The following FBXO11 variants were observed in gnomAD, a reference collection of about 807,000 sequenced individuals.
The protein encoded by FBXO11 is F-box protein 11.
A neutral mutation model predicts 117.0 loss-of-function variants in FBXO11; 13 were observed. That is an observed-to-expected ratio of 0.11 (90% CI 0.07 to 0.18). FBXO11 has a LOEUF of 0.18. FBXO11 is among the 10% of genes least tolerant of loss of function. FBXO11 has a pLI of 1.00. For synonymous variants in FBXO11, 490 were observed against 380.5 expected (o/e 1.29, Z -3.35); for missense variants, 767 against 1,164.4 (o/e 0.66, Z 4.97).
chr2:47,896,332 T>TTTC (rs1413626452), intron 1 of FBXO11, among the ~76,000 whole-genome samples: 1 of 146,522 alleles, frequency 6.8e-6, no homozygotes. Context: ...TTTCTTTTCT[T>TTTC]TTTTTTTTTT....
rs369299516 is a variant in FBXO11, at chr2:47,883,564, G to A, written c.232+21925C>T. On this transcript the variant is annotated intron_variant, in intron 1 of 22. Coordinates refer to ENST00000403359, the MANE Select transcript of FBXO11 (RefSeq NM_001190274.2). ...AAGATCCAGGATAAGGAAGAAATTC[G>A]TCTGGATCGGCAAACACTGATGTTT... 165 of 348,206 alleles carry A rather than the reference G, an allele frequency of 4.7e-4. 1 individual carries two copies. In the East Asian group the frequency reaches 9.0e-3, roughly 19 times the overall value. 21.6% of individuals were successfully genotyped at this position (348,206 alleles called of 1,614,324 possible). A position where few individuals can be genotyped will look rare whatever the true frequency, so the allele number is the denominator to read the frequency against.
intron 1 of FBXO11, among the ~76,000 whole-genome samples, chr2:47,900,471 C>G (rs1283754757): frequency 2.0e-5 from 3 of 151,910 alleles, no homozygotes; most frequent in African/African-American, 4.8e-5. Flanking sequence ...CTGACTAGAA[C>G]AGCAAGGAGT....
At position 47,839,679 on chromosome 2, in the gene FBXO11, G is replaced by C. The variant is rs1232093891; in HGVS notation, c.323C>G (p.Pro108Arg). Residue 108 changes from proline to arginine, a missense_variant, in exon 2 of 23, where the codon CCG (proline) becomes CGG (arginine). Transcript: ENST00000403359. ...CTTTGTGGGACACGCTGTTCTTTTC[G>C]GCAAAAGAGTTTTTCTACGAAGTTG... The part of the protein sequence containing the change: ...PYQLRRKTLL[P>R]KRTACPTKNS... 1 of 1,613,838 alleles carries C rather than the reference G, an allele frequency of 6.2e-7. No individual in the cohort carries two copies. Among genetic ancestry groups the C allele is most frequent in the Non-Finnish European group, 8.5e-7 (1 of 1,180,008 alleles).
At chr2:47,838,818 A>G (rs1672794057) in intron 4 of FBXO11, 41 bp downstream of exon 4, 2 of 1,582,208 alleles carry the variant, frequency 1.3e-6, no homozygotes, top group Non-Finnish European at 1.7e-6. Context: ...TGGGCAACAA[A>G]TAACATATCT....
intron 1 of FBXO11, among the ~76,000 whole-genome samples, chr2:47,846,460 T>A (rs1248905017): frequency 1.3e-5 from 2 of 152,046 alleles, no homozygotes; most frequent in Non-Finnish European, 2.9e-5. Context: ...AAAACGAAAC[T>A]GTTTCAAAAA....
At position 47,832,967 on chromosome 2, in the gene FBXO11, T is replaced by A; in HGVS notation, c.1038A>T (p.Ile346=). The A allele has an allele frequency of 6.2e-7, 1 of 1,608,740 alleles. No homozygotes were observed. Among genetic ancestry groups the A allele is most frequent in the Non-Finnish European group, 8.5e-7 (1 of 1,175,136 alleles). ...SEDAYVGYMT[I]RFNPDDKSAQ... Reference sequence around the variant, plus strand: ...TTTAAATCTTAACATGTCTTACCCTTATTGTCATATATCCAACATAAGCAT... The same window carrying A: ...TTTAAATCTTAACATGTCTTACCCTAATTGTCATATATCCAACATAAGCAT... The change falls in exon 8 of 23, where the codon ATA becomes ATT. Residue 346 remains isoleucine, a synonymous_variant. Transcript: ENST00000403359.
chr2:47,872,696 T>C (rs1675712393), intron 1 of FBXO11, among the ~76,000 whole-genome samples: 1 of 152,160 alleles, frequency 6.6e-6, no homozygotes, highest in Non-Finnish European at 1.5e-5. Context: ...ACAGTAGAGT[T>C]TTCCAGAGGC....
intron 11 of FBXO11, among the ~76,000 whole-genome samples, chr2:47,830,749 C>G (rs1177791141): frequency 6.6e-6 from 1 of 152,074 alleles, no homozygotes; most frequent in African/African-American, 2.4e-5. Context: ...GAGTAACTTA[C>G]TATGGTGAAC....
intron 16 of FBXO11, among the ~76,000 whole-genome samples, chr2:47,815,116 T>C (rs1175996695): frequency 2.0e-5 from 3 of 152,106 alleles, no homozygotes; most frequent in Non-Finnish European, 4.4e-5. Flanking sequence ...TCCATGAGGG[T>C]TGGAAGCAAC....
At position 47,832,953 on chromosome 2, in the gene FBXO11, A is replaced by C; in HGVS notation, c.1041+11T>G. ...ATTTCAATGTGTATTTTAAATCTTAACATGTCTTACCCTTATTGTCATATA... is the reference window on the plus strand; with the variant it reads ...ATTTCAATGTGTATTTTAAATCTTACCATGTCTTACCCTTATTGTCATATA... On this transcript the variant is annotated intron_variant, in intron 8 of 22. Coordinates refer to ENST00000403359, the MANE Select transcript of FBXO11 (RefSeq NM_001190274.2). 7.5e-6 allele frequency: 12 copies of C among 1,606,860 alleles called. No individual in the cohort carries two copies. The highest frequency in any genetic ancestry group is 1.0e-5 in the Non-Finnish European group (12 of 1,173,498).
intron 1 of FBXO11, among the ~76,000 whole-genome samples, chr2:47,867,938 CT>C (rs1436494740): frequency 2.0e-5 from 3 of 152,000 alleles, no homozygotes; most frequent in Non-Finnish European, 4.4e-5. Flanking sequence ...TTTTTTAAGT[CT>C]CTGAATATGG....
intron 1 of FBXO11, among the ~76,000 whole-genome samples, chr2:47,896,408 T>C (rs965878263): frequency 1.3e-5 from 2 of 151,948 alleles, no homozygotes; most frequent in Non-Finnish European, 2.9e-5. Flanking sequence ...CAGTTCACTC[T>C]AGCCTTGACC....
rs548877172 is a variant in FBXO11, at chr2:47,862,335, T to TG, written c.233-22567dup. On this transcript the variant is annotated intron_variant, in intron 1 of 22. Coordinates refer to ENST00000403359, the MANE Select transcript of FBXO11 (RefSeq NM_001190274.2). The stretch of plus-strand genomic sequence containing the variant: ...ATACATAACCAGGGTTGAAAGCCAT[T>TG]GGGACTAGAGCAGTAATAGCCTGAA... 1.4e-4 allele frequency among the ~76,000 whole-genome samples: 21 copies of TG among 152,314 alleles called. No individual in the cohort carries two copies. The South Asian group carries it at 4.4e-3, about 32-fold the overall frequency.
intron 18 of FBXO11, among the ~76,000 whole-genome samples, chr2:47,812,685 T>C (rs1215727510): frequency 6.6e-6 from 1 of 152,174 alleles, no homozygotes; most frequent in African/African-American, 2.4e-5. Flanking sequence ...CAGCGATAGA[T>C]TTGCATTTGG....
chr2:47,881,895 G>C (rs916118771), intron 1 of FBXO11, among the ~76,000 whole-genome samples: 1 of 152,006 alleles, frequency 6.6e-6, no homozygotes, highest in Non-Finnish European at 1.5e-5. Flanking sequence ...CTACAGGTGT[G>C]CACCACCATG....
intron 1 of FBXO11, chr2:47,888,701 C>T (rs1259418795): frequency 3.1e-6 from 3 of 978,956 alleles, no homozygotes; most frequent in Non-Finnish European, 3.6e-6. Flanking sequence ...CAATGTTTTA[C>T]AAATCTTATT....
At chr2:47,838,077 A>G (rs1016954848) in intron 4 of FBXO11, among the ~76,000 whole-genome samples, 1 of 151,474 alleles carries the variant, frequency 6.6e-6, no homozygotes, top group African/African-American at 2.4e-5. Flanking sequence ...AAAAAAAAAA[A>G]AAAAAATTAG....
rs562228938 is a variant in FBXO11 at position 47,862,980 on chromosome 2, C to T, written c.233-23211G>A. 8.0e-5 allele frequency among the ~76,000 whole-genome samples: 12 copies of T among 149,900 alleles called. No individual in the cohort carries two copies. In the South Asian group the frequency reaches 8.4e-4, roughly 11 times the overall value. ...TAAGGCAGGAGAATCGCTTGAACCCCGGAAGTGAAAGTTGCAGTGAGCTGA... is the reference window on the plus strand; with the variant it reads ...TAAGGCAGGAGAATCGCTTGAACCCTGGAAGTGAAAGTTGCAGTGAGCTGA... On this transcript the variant is annotated intron_variant, in intron 1 of 22. Coordinates refer to ENST00000403359, the MANE Select transcript of FBXO11 (RefSeq NM_001190274.2).
At chr2:47,891,099 C>CA (rs1677230338) in intron 1 of FBXO11, among the ~76,000 whole-genome samples, 1 of 152,106 alleles carries the variant, frequency 6.6e-6, no homozygotes, top group South Asian at 2.1e-4. Flanking sequence ...GCTGGGATTA[C>CA]AGGCATGAGC....
Sources: allele counts gnomAD v4.1 joint callset (sites outside exome capture counted in the v4.1 genomes callset), GRCh38; gene constraint gnomAD v4.1.1; transcripts MANE v1.5; gene names NCBI Gene and HGNC (gene_info 2026-07-23, HGNC 2026-07-21).